Variants in NTNG1 observed in about 807,000 individuals in gnomAD.
NTNG1 encodes netrin G1.
Under a neutral mutation model 54.0 loss-of-function variants are expected in NTNG1, and 16 were observed. The ratio of observed to expected loss-of-function variants is 0.30; its 90% CI spans 0.20 to 0.45. The LOEUF (loss-of-function observed/expected upper bound fraction) is 0.45, where lower values mean the gene tolerates loss of function less well. NTNG1 is among the 20% of genes least tolerant of loss of function. NTNG1 has a pLI of 1.00. For missense variants in NTNG1, 530 were observed against 678.7 expected, an observed-to-expected ratio of 0.78 and a Z score of 2.43; for synonymous variants, 255 against 263.1, an observed-to-expected ratio of 0.97 and a Z score of 0.30.
At chr1:107,281,268 A>G (rs1664842730) in intron 2 of NTNG1, among the ~76,000 whole-genome samples, 1 of 152,142 alleles carries the variant, frequency 6.6e-6, no homozygotes, top group Admixed American at 6.5e-5. Context: ...AGCCCCCAGT[A>G]GAGTGAGGAC....
intron 7 of NTNG1, among the ~76,000 whole-genome samples, chr1:107,466,509 C>CAT (rs574022423): frequency 2.5e-4 from 38 of 152,246 alleles, no homozygotes; most frequent in Non-Finnish European, 4.7e-4. Flanking sequence ...TATAAAAGTA[C>CAT]ATATCTTCAG....
chr1:107,198,890 G>A (rs767796485), intron 2 of NTNG1, among the ~76,000 whole-genome samples: 2 of 151,742 alleles, frequency 1.3e-5, no homozygotes, highest in African/African-American at 4.8e-5. Flanking sequence ...ATGGAGCAAC[G>A]GGCTATATTC....
intron 2 of NTNG1, among the ~76,000 whole-genome samples, chr1:107,198,081 T>C (rs532932394): frequency 5.3e-5 from 8 of 152,124 alleles, no homozygotes; most frequent in Non-Finnish European, 1.2e-4. Context: ...TTCAGTAAAA[T>C]TTAAAATGTT....
chr1:107,389,466 A>G (rs930130364), intron 3 of NTNG1, among the ~76,000 whole-genome samples: 3 of 152,236 alleles, frequency 2.0e-5, no homozygotes, highest in Non-Finnish European at 4.4e-5. Context: ...TTTCATACCT[A>G]CTGGCAGGTG....
intron 5 of NTNG1, among the ~76,000 whole-genome samples, chr1:107,426,077 T>C (rs558467554): frequency 5.5e-4 from 83 of 152,224 alleles, no homozygotes; most frequent in Non-Finnish European, 1.0e-3. Flanking sequence ...TTTTAAACAT[T>C]GGTCTTTAGA....
rs533159004 is a variant in NTNG1 at position 107,450,784 on chromosome 1, C to A, written c.1390+13985C>A. Among the ~76,000 whole-genome samples the A allele has an allele frequency of 7.0e-4, 107 of 152,198 alleles. 1 individual carries two copies. The highest frequency in any genetic ancestry group is 3.4e-3 in the Middle Eastern group (1 of 294). The stretch of plus-strand genomic sequence containing the variant: ...GTTGTATTCATTAAATTCATCCCAA[C>A]CTTAGCAGCAATTCTTCATCAATTT... On this transcript the variant is annotated intron_variant, in intron 7 of 7. Transcript: ENST00000370068.
At chr1:107,208,299 G>A (rs752040283) in intron 2 of NTNG1, among the ~76,000 whole-genome samples, 24 of 151,752 alleles carry the variant, frequency 1.6e-4, no homozygotes, top group Non-Finnish European at 2.4e-4. Context: ...GTGTGGTGGC[G>A]CAGGCCTGTA....
At chr1:107,180,259 A>G (rs1388342774) in intron 2 of NTNG1, among the ~76,000 whole-genome samples, 1 of 152,182 alleles carries the variant, frequency 6.6e-6, no homozygotes, top group African/African-American at 2.4e-5. Context: ...CCTTTTACTT[A>G]GTAAGCATAA....
chr1:107,151,123 A>C (rs942734433), intron 2 of NTNG1, among the ~76,000 whole-genome samples: 4 of 152,192 alleles, frequency 2.6e-5, no homozygotes, highest in African/African-American at 7.2e-5. Flanking sequence ...CTTAATTTGT[A>C]TTCCTTAATA....
chr1:107,371,774 G>C (rs532098696), intron 3 of NTNG1, among the ~76,000 whole-genome samples: 1 of 152,024 alleles, frequency 6.6e-6, no homozygotes, highest in Non-Finnish European at 1.5e-5. Context: ...TAACAGGCTG[G>C]TACCAAAACA....
intron 5 of NTNG1, among the ~76,000 whole-genome samples, chr1:107,415,918 C>A (rs2101201014): frequency 6.6e-6 from 1 of 152,220 alleles, no homozygotes; most frequent in South Asian, 2.1e-4. Flanking sequence ...ATTTGTCGAG[C>A]ATTTACTACA....
intron 6 of NTNG1, among the ~76,000 whole-genome samples, chr1:107,436,060 GTTTATT>G (rs1420621288): frequency 6.6e-6 from 1 of 152,166 alleles, no homozygotes; most frequent in Non-Finnish European, 1.5e-5. Context: ...GGGTTACAAA[GTTTATT>G]TTTCTTTCAT....
chr1:107,436,735 T>C lies in NTNG1; in HGVS notation c.1326T>C (p.Thr442=). 6.2e-7 allele frequency: 1 copy of C among 1,613,380 alleles called. No individual in the cohort carries two copies. Among genetic ancestry groups the C allele is most frequent in the South Asian group, 1.1e-5 (1 of 91,052 alleles). The change falls in exon 7 of 8, where the codon ACT becomes ACC. Residue 442 remains threonine (T), a synonymous_variant. Coordinates refer to ENST00000370068, the MANE Select transcript of NTNG1 (RefSeq NM_001113226.3). The part of the protein sequence containing the change: ...CNGSGFCECK[T]GTTGPKCDEC... ...GCTCAGGATTTTGTGAGTGTAAGAC[T>C]GGAACAACAGGGCCTAAGTGTGATG... is the stretch of plus-strand genomic sequence containing the variant.
At chr1:107,225,848 G>T (rs1250438927) in intron 2 of NTNG1, among the ~76,000 whole-genome samples, 1 of 152,002 alleles carries the variant, frequency 6.6e-6, no homozygotes, top group Non-Finnish European at 1.5e-5. Context: ...CCCTTTCCGG[G>T]CAATTAACAT....
intron 3 of NTNG1, among the ~76,000 whole-genome samples, chr1:107,384,584 C>A (rs1671850179): frequency 6.6e-6 from 1 of 152,178 alleles, no homozygotes; most frequent in African/African-American, 2.4e-5. Flanking sequence ...CTATACCAGT[C>A]AGTTTCCAAA....
At chr1:107,193,056 C>T (rs1385903546) in intron 2 of NTNG1, among the ~76,000 whole-genome samples, 1 of 151,974 alleles carries the variant, frequency 6.6e-6, no homozygotes, top group Non-Finnish European at 1.5e-5. Context: ...AATAAATGCC[C>T]TTGAACATAT....
intron 7 of NTNG1, among the ~76,000 whole-genome samples, chr1:107,441,869 A>T (rs938316298): frequency 1.3e-5 from 2 of 152,078 alleles, no homozygotes; most frequent in African/African-American, 4.8e-5. Context: ...AGAAATATTT[A>T]AAAGGATTCG....
chr1:107,350,046 T>C (rs1669507594), intron 3 of NTNG1, among the ~76,000 whole-genome samples: 1 of 152,182 alleles, frequency 6.6e-6, no homozygotes, highest in African/African-American at 2.4e-5. Context: ...AAAATTGTAC[T>C]TTCTCTCTAC....
chr1:107,149,862 T>C (rs1366011915), intron 2 of NTNG1, among the ~76,000 whole-genome samples: 2 of 152,110 alleles, frequency 1.3e-5, no homozygotes. Flanking sequence ...ATTTTAATAA[T>C]AATCTTACCT....
Sources: gnomAD v4.1 joint callset for allele counts (sites outside exome capture counted in the v4.1 genomes callset) on GRCh38, gnomAD v4.1.1 for gene constraint, MANE v1.5 for transcripts, NCBI Gene and HGNC (gene_info 2026-07-23, HGNC 2026-07-21) for gene names.